The following RIOK3 variants were observed in gnomAD, a reference collection of about 807,000 sequenced individuals.
The protein encoded by RIOK3 is RIO kinase 3.
Under a neutral mutation model 63.5 loss-of-function variants are expected in RIOK3, and 40 were observed. The observed-to-expected ratio is 0.63, with a 90% CI of 0.49 to 0.82. RIOK3 has a LOEUF of 0.82. Among genes scored for constraint, RIOK3 ranks in the 40% least tolerant of loss-of-function variants. The pLI is 0.00. For synonymous variants in RIOK3, 193 were observed against 205.0 expected, an observed-to-expected ratio of 0.94 and a Z score of 0.50; for missense variants, 557 against 637.0, an observed-to-expected ratio of 0.87 and a Z score of 1.35.
In RIOK3 at chr18:23,477,167, G is replaced by A. The variant is rs185156563; in HGVS notation, c.1255-12G>A. ...ATGTAAATACATCAGTTCATGTTCT[G>A]TATTGAAATAGGTCTGGTTGATCGA... is the stretch of plus-strand genomic sequence containing the variant. On this transcript the variant is annotated splice_polypyrimidine_tract_variant and intron_variant, in intron 10 of 12. Transcript: ENST00000339486. 9.9e-6 allele frequency: 16 copies of A among 1,613,398 alleles called. No individual in the cohort carries two copies. In the East Asian group the frequency reaches 2.9e-4, roughly 29 times the overall value.
intron 1 of RIOK3, among the ~76,000 whole-genome samples, chr18:23,455,886 C>T (rs1422938632): frequency 6.6e-6 from 1 of 152,182 alleles, no homozygotes; most frequent in Non-Finnish European, 1.5e-5. Context: ...CAACCTCCGC[C>T]TCCTGGGTTC....
intron 7 of RIOK3, among the ~76,000 whole-genome samples, chr18:23,470,814 T>A (rs1012957878): frequency 6.6e-5 from 10 of 152,244 alleles, no homozygotes; most frequent in Middle Eastern, 3.4e-3. Flanking sequence ...ACAAGGCAAA[T>A]CTTATAAATT....
At chr18:23,472,418 T>G (rs2057462455) in intron 7 of RIOK3, among the ~76,000 whole-genome samples, 2 of 152,178 alleles carry the variant, frequency 1.3e-5, no homozygotes, top group Admixed American at 6.5e-5. Flanking sequence ...TTGATTCAGA[T>G]TCTGTCCTTT....
intron 1 of RIOK3, among the ~76,000 whole-genome samples, chr18:23,457,988 G>T (rs1452862106): frequency 6.6e-6 from 1 of 151,706 alleles, no homozygotes; most frequent in Non-Finnish European, 1.5e-5. Context: ...TCCACCCCTG[G>T]GCTCAAGCAA....
chr18:23,473,313 AGACTT>A, intron 7 of RIOK3, 111 bp from the exon 8 acceptor site: 1 of 611,850 alleles, frequency 1.6e-6, no homozygotes, highest in Non-Finnish European at 2.8e-6. Context: ...TAAAAAAACA[AGACTT>A]GACACTGAGA....
chr18:23,458,128 C>T (rs1314653785), intron 1 of RIOK3, among the ~76,000 whole-genome samples: 1 of 149,988 alleles, frequency 6.7e-6, no homozygotes, highest in Non-Finnish European at 1.5e-5. Flanking sequence ...TGGTGTCGAA[C>T]TCCTGAGCTC....
chr18:23,472,634 C>T lies in RIOK3; in HGVS notation c.816-795C>T, dbSNP rs78031167. 4.3e-3 allele frequency among the ~76,000 whole-genome samples: 655 copies of T among 152,252 alleles called. 14 individuals carry two copies. In the East Asian group the frequency reaches 0.077, roughly 18 times the overall value. On this transcript the variant is annotated intron_variant, in intron 7 of 12. Transcript: ENST00000339486. ...CTGTGCCCTTCCATTCTGACAGTAT[C>T]GTTCACTCGATCTTCATGAAGCACG... is the stretch of plus-strand genomic sequence containing the variant.
At chr18:23,458,980 G>A (rs1438801095) in intron 1 of RIOK3, among the ~76,000 whole-genome samples, 1 of 152,152 alleles carries the variant, frequency 6.6e-6, no homozygotes, top group Admixed American at 6.5e-5. Flanking sequence ...AGTGTGAAGT[G>A]GACCAGTTGA....
At chr18:23,464,166 G>A (rs1321651941) in intron 3 of RIOK3, 40 bp from the exon 4 acceptor site, 4 of 1,606,820 alleles carry the variant, frequency 2.5e-6, no homozygotes, top group East Asian at 2.2e-5. Flanking sequence ...CACTCATAAT[G>A]TGCTCCTAAG....
At chr18:23,471,046 C>T (rs769433695) in intron 7 of RIOK3, among the ~76,000 whole-genome samples, 14 of 152,168 alleles carry the variant, frequency 9.2e-5, no homozygotes, top group Non-Finnish European at 1.8e-4. Flanking sequence ...AGGTACTCTT[C>T]CAGGTACTAG....
At position 23,453,358 on chromosome 18, in the gene RIOK3, T is replaced by G; in HGVS notation, c.-82T>G. 1 of 1,172,024 alleles carries G rather than the reference T, an allele frequency of 8.5e-7. No homozygotes were observed. Among genetic ancestry groups the G allele is most frequent in the Non-Finnish European group, 1.3e-6 (1 of 783,190 alleles). 72.6% of individuals were successfully genotyped at this position (1,172,024 alleles called of 1,614,324 possible). On this transcript the variant is annotated 5_prime_UTR_variant, in exon 1 of 13. Coordinates refer to ENST00000339486, the MANE Select transcript of RIOK3 (RefSeq NM_003831.5). ...TCCGGCATCAGCAGCCAGTCGCCCG[T>G]GTCCCGCCTGTCTCCTCGGCGGAGC...
intron 7 of RIOK3, among the ~76,000 whole-genome samples, chr18:23,472,231 T>TAAA (rs2057461130): frequency 7.3e-6 from 1 of 136,564 alleles, no homozygotes; most frequent in African/African-American, 3.1e-5. Flanking sequence ...AGACTCTGTC[T>TAAA]CAAAAAAAAA....
Position 23,477,044 on chromosome 18 carries a change from TGCTG to T in RIOK3, c.1213_1216del (p.Ala405ThrfsTer16). The T allele has an allele frequency of 6.2e-7, 1 of 1,614,080 alleles. No individual in the cohort carries two copies. Among genetic ancestry groups the T allele is most frequent in the East Asian group, 2.2e-5 (1 of 44,884 alleles). On this transcript the variant is annotated frameshift_variant, in exon 10 of 13. Coordinates refer to ENST00000339486, the MANE Select transcript of RIOK3 (RefSeq NM_003831.5). LOFTEE classifies it high-confidence loss of function. Reference sequence around the variant, plus strand: ...TATATCATGAATGTACGCTTGTCCATGCTGACCTCAGTGAGTATAACATGCTGTG... The same window carrying T: ...TATATCATGAATGTACGCTTGTCCATACCTCAGTGAGTATAACATGCTGTG...
In RIOK3 at chr18:23,473,503, A is replaced by C; in HGVS notation, c.890A>C (p.Asn297Thr). ...CAIKVFKTTL[N>T]EFKNRDKYIK... The stretch of plus-strand genomic sequence containing the variant: ...ATCAAGGTATTTAAAACAACCCTTA[A>C]TGAATTTAAGAATCGTGACAAATAT... Residue 297 changes from asparagine to threonine, a missense_variant, in exon 8 of 13, where the codon AAT becomes ACT. Transcript: ENST00000339486. 1 of 1,612,972 alleles carries C rather than the reference A, an allele frequency of 6.2e-7. No homozygotes were observed. Among genetic ancestry groups the C allele is most frequent in the Non-Finnish European group, 8.5e-7 (1 of 1,179,112 alleles).
intron 1 of RIOK3, among the ~76,000 whole-genome samples, chr18:23,456,702 C>G (rs1199506515): frequency 6.6e-6 from 1 of 152,150 alleles, no homozygotes; most frequent in African/African-American, 2.4e-5. Context: ...CAAAAGAAAA[C>G]TATATTTGAA....
At chr18:23,461,234 C>G (rs1187028404) in intron 1 of RIOK3, among the ~76,000 whole-genome samples, 1 of 152,162 alleles carries the variant, frequency 6.6e-6, no homozygotes, top group African/African-American at 2.4e-5. Flanking sequence ...TGAACTTGAT[C>G]AAATAATTTT....
chr18:23,481,489 A>G lies in RIOK3; in HGVS notation c.*210A>G. ...TGTCACTACCTCTCATCTTATGAAC[A>G]GGATAATATAATTCTTTAACAGCTA... On this transcript the variant is annotated 3_prime_UTR_variant, in exon 13 of 13. Coordinates refer to ENST00000339486, the MANE Select transcript of RIOK3 (RefSeq NM_003831.5). The G allele has an allele frequency of 2.3e-6, 1 of 436,378 alleles. No individual in the cohort carries two copies. The highest frequency in any genetic ancestry group is 4.0e-6 in the Non-Finnish European group (1 of 247,988). The allele number at this position is 436,378 out of a possible 1,614,324, so 27.0% of individuals were successfully genotyped here.
chr18:23,471,676 G>C (rs1048453720), intron 7 of RIOK3, among the ~76,000 whole-genome samples: 1 of 152,134 alleles, frequency 6.6e-6, no homozygotes, highest in African/African-American at 2.4e-5. Context: ...GGAGAGCGTT[G>C]GTGTGTGTTT....
intron 7 of RIOK3, 62 bp from the exon 8 acceptor site, chr18:23,473,367 T>G: frequency 4.1e-6 from 4 of 973,834 alleles, no homozygotes; most frequent in Non-Finnish European, 3.1e-6. Context: ...ATCTTTATTT[T>G]GAAATTGTTG....
Sources: allele counts gnomAD v4.1 joint callset (sites outside exome capture counted in the v4.1 genomes callset), GRCh38; gene constraint gnomAD v4.1.1; transcripts MANE v1.5; gene names NCBI Gene and HGNC (gene_info 2026-07-23, HGNC 2026-07-21).